The following NAV3 variants were observed in gnomAD, a reference collection of about 807,000 sequenced individuals.
NAV3 encodes the protein neuron navigator 3.
NAV3 carries 87 observed loss-of-function variants against 244.7 expected under a neutral mutation model. That is an observed-to-expected ratio of 0.36 (90% CI 0.30 to 0.42). The LOEUF (loss-of-function observed/expected upper bound fraction) is 0.42. Among genes scored for constraint, NAV3 ranks in the 20% least tolerant of loss-of-function variants. The pLI, the probability that NAV3 is intolerant of heterozygous loss-of-function variation, is 1.00. For missense variants in NAV3, 2,663 were observed against 2,893.3 expected, an observed-to-expected ratio of 0.92 and a Z score of 1.83; for synonymous variants, 1,126 against 1,042.2, an observed-to-expected ratio of 1.08 and a Z score of -1.55.
At chr12:77,858,941 G>A (rs916449096) in intron 1 of NAV3, among the ~76,000 whole-genome samples, 1 of 152,062 alleles carries the variant, frequency 6.6e-6, no homozygotes, top group South Asian at 2.1e-4. Context: ...GAGATGCAAA[G>A]TTCTTTACCC....
intron 5 of NAV3, among the ~76,000 whole-genome samples, chr12:77,985,691 C>T (rs563346017): frequency 1.3e-5 from 2 of 152,052 alleles, no homozygotes; most frequent in Non-Finnish European, 2.9e-5. Context: ...CGTAGAACAA[C>T]TCAAATTAGA....
chr12:78,190,283 T>A, intron 34 of NAV3, 64 bp downstream of exon 34: 1 of 1,371,510 alleles, frequency 7.3e-7, no homozygotes. Flanking sequence ...GCAATCAAAT[T>A]ATAAGATTTT....
intron 2 of NAV3, among the ~76,000 whole-genome samples, chr12:77,715,392 AT>A (rs1876314019): frequency 6.6e-6 from 1 of 151,856 alleles, no homozygotes; most frequent in Non-Finnish European, 1.5e-5. Context: ...TCTTATTTGC[AT>A]TGCTTTTTCA....
At chr12:78,189,374 T>C (rs1225824555) in intron 33 of NAV3, among the ~76,000 whole-genome samples, 1 of 151,868 alleles carries the variant, frequency 6.6e-6, no homozygotes, top group East Asian at 1.9e-4. Flanking sequence ...AATATTTGAT[T>C]TTATGATGAA....
chr12:77,672,110 A>G (rs533540759), intron 2 of NAV3, among the ~76,000 whole-genome samples: 2 of 152,250 alleles, frequency 1.3e-5, no homozygotes, highest in South Asian at 4.1e-4. Flanking sequence ...TGAATAGACA[A>G]TTCTTAAAAG....
intron 2 of NAV3, among the ~76,000 whole-genome samples, chr12:77,596,322 TA>T (rs1236139769): frequency 1.3e-5 from 2 of 152,194 alleles, no homozygotes; most frequent in Non-Finnish European, 2.9e-5. Flanking sequence ...TAACTGCTTT[TA>T]TTTTTTTACA....
chr12:78,005,900 G>A (rs564407669), intron 7 of NAV3, among the ~76,000 whole-genome samples: 47 of 152,116 alleles, frequency 3.1e-4, no homozygotes, highest in Middle Eastern at 6.8e-3. Context: ...AGAATAAAGC[G>A]AAATATCATA....
chr12:78,204,788 T>A (rs1383429493), intron 38 of NAV3, 147 bp from the exon 39 acceptor site: 5 of 660,942 alleles, frequency 7.6e-6, no homozygotes, highest in Non-Finnish European at 5.1e-6. Flanking sequence ...ATGTTTTAAA[T>A]CTGCAAAACT....
intron 16 of NAV3, among the ~76,000 whole-genome samples, chr12:78,124,170 G>A (rs907313066): frequency 6.6e-6 from 1 of 152,130 alleles, no homozygotes; most frequent in African/African-American, 2.4e-5. Context: ...TATTTCTTCA[G>A]CATTTAGACA....
At chr12:77,814,692 G>A (rs1872458909) in intron 2 of NAV3, among the ~76,000 whole-genome samples, 1 of 152,052 alleles carries the variant, frequency 6.6e-6, no homozygotes, top group Non-Finnish European at 1.5e-5. Flanking sequence ...GCCCATCAGT[G>A]GCACTCACCT....
chr12:78,206,071 A>G (rs1373741803), intron 39 of NAV3, among the ~76,000 whole-genome samples: 6 of 152,092 alleles, frequency 3.9e-5, no homozygotes, highest in Non-Finnish European at 8.8e-5. Context: ...TTTCTTGTGG[A>G]AAACCTGATA....
chr12:77,597,241 A>G (rs1168459030), intron 2 of NAV3, among the ~76,000 whole-genome samples: 1 of 152,028 alleles, frequency 6.6e-6, no homozygotes, highest in Non-Finnish European at 1.5e-5. Flanking sequence ...GGCACCACCA[A>G]CAAGATACCG....
chr12:77,583,271 TA>T (rs1869451137), intron 2 of NAV3, among the ~76,000 whole-genome samples: 1 of 152,230 alleles, frequency 6.6e-6, no homozygotes, highest in Non-Finnish European at 1.5e-5. Flanking sequence ...GCTGCTTGAT[TA>T]GACAATATTG....
intron 22 of NAV3, among the ~76,000 whole-genome samples, chr12:78,155,359 CT>C (rs1957261509): frequency 2.0e-5 from 3 of 152,094 alleles, no homozygotes; most frequent in Admixed American, 6.6e-5. Context: ...GACCTCATTC[CT>C]TTTTATAGCT....
At chr12:77,746,899 T>C (rs1462737309) in intron 2 of NAV3, among the ~76,000 whole-genome samples, 1 of 152,186 alleles carries the variant, frequency 6.6e-6, no homozygotes, top group Non-Finnish European at 1.5e-5. Context: ...GCATGTCATA[T>C]AGTCTCAATA....
intron 18 of NAV3, 84 bp from the exon 19 acceptor site, chr12:78,137,093 G>T (rs1956404857): frequency 1.6e-6 from 2 of 1,261,768 alleles, no homozygotes; most frequent in South Asian, 3.0e-5. Flanking sequence ...ATAAGTATTG[G>T]GATCATGTTC....
intron 23 of NAV3, among the ~76,000 whole-genome samples, chr12:78,161,871 A>T (rs1274661756): frequency 6.6e-6 from 1 of 152,148 alleles, no homozygotes. Flanking sequence ...GACAGAATCT[A>T]ATTAAAACCA....
At chr12:77,889,039 C>T (rs1343569167) in intron 1 of NAV3, among the ~76,000 whole-genome samples, 1 of 152,140 alleles carries the variant, frequency 6.6e-6, no homozygotes, top group Admixed American at 6.5e-5. Flanking sequence ...TTAGCATCCA[C>T]CTTTTGTGTG....
intron 9 of NAV3, among the ~76,000 whole-genome samples, chr12:78,026,613 A>G (rs1311080342): frequency 6.6e-6 from 1 of 152,226 alleles, no homozygotes; most frequent in African/African-American, 2.4e-5. Context: ...TTATTTTCTC[A>G]GAAATTCAGA....
Sources: allele counts gnomAD v4.1 joint callset (sites outside exome capture counted in the v4.1 genomes callset), GRCh38; gene constraint gnomAD v4.1.1; transcripts MANE v1.5; gene names NCBI Gene and HGNC (gene_info 2026-07-23, HGNC 2026-07-21).